TBL1X: variants seen among roughly 807,000 people sequenced by gnomAD.
TBL1X encodes the protein transducin beta like 1 X-linked.
In TBL1X, 10 loss-of-function variants were observed where a neutral mutation model predicts 50.7. The ratio of observed to expected loss-of-function variants is 0.20; its 90% CI spans 0.12 to 0.33. The LOEUF (loss-of-function observed/expected upper bound fraction) is 0.33, where lower values mean the gene tolerates loss of function less well. TBL1X is among the 10% of genes least tolerant of loss of function. The pLI, the probability that TBL1X is intolerant of heterozygous loss-of-function variation, is 1.00. For missense variants in TBL1X, 340 were observed against 504.4 expected (o/e 0.67, Z 3.12); for synonymous variants, 190 against 214.7 (o/e 0.88, Z 1.01).
chrX:9,588,017 G>A (rs191923258), intron 2 of TBL1X, among the ~76,000 whole-genome samples: 324 of 111,679 alleles, frequency 2.9e-3, no homozygotes, highest in African/African-American at 0.01. Flanking sequence ...GTACACAGCC[G>A]GCTGTTCATA....
intron 8 of TBL1X, 108 bp downstream of exon 8, chrX:9,691,819 C>G: frequency 9.5e-7 from 1 of 1,055,522 alleles, no homozygotes; most frequent in South Asian, 2.2e-5. Context: ...CCCCTTCTTA[C>G]CCCGGTGTGT....
At chrX:9,526,059 C>G (rs748971192) in intron 2 of TBL1X, among the ~76,000 whole-genome samples, 45 of 102,047 alleles carry the variant, frequency 4.4e-4, no homozygotes, top group Non-Finnish European at 7.0e-4. Context: ...ACCTATAGTT[C>G]AAGATGAAGG....
intron 2 of TBL1X, among the ~76,000 whole-genome samples, chrX:9,542,616 G>A (rs773499890): frequency 1.8e-5 from 2 of 110,759 alleles, no homozygotes; most frequent in Admixed American, 1.9e-4. Context: ...AGCGGGCAGC[G>A]TTGCCTTCGC....
intron 2 of TBL1X, among the ~76,000 whole-genome samples, chrX:9,587,637 C>T (rs1338362873): frequency 9.0e-6 from 1 of 111,136 alleles, no homozygotes; most frequent in African/African-American, 3.3e-5. Context: ...ATTTTAATAG[C>T]TTTATTGAGA....
At chrX:9,648,353 C>G (rs1363178253) in intron 3 of TBL1X, among the ~76,000 whole-genome samples, 1 of 112,502 alleles carries the variant, frequency 8.9e-6, no homozygotes, top group Non-Finnish European at 1.9e-5. Context: ...GTTCTTGGCA[C>G]AGAAGACAAA....
At chrX:9,524,159 G>C (rs1212229610) in intron 2 of TBL1X, among the ~76,000 whole-genome samples, 3 of 109,924 alleles carry the variant, frequency 2.7e-5, no homozygotes, top group East Asian at 2.9e-4. Context: ...GTAGAGACAG[G>C]GTTTCACCAT....
chrX:9,466,490 T>A (rs1050686138), intron 1 of TBL1X, among the ~76,000 whole-genome samples: 13 of 112,868 alleles, frequency 1.2e-4, no homozygotes, highest in Non-Finnish European at 2.1e-4. Context: ...GAGTCAGTGA[T>A]GTTCTGGAGC....
At chrX:9,479,714 C>T in intron 1 of TBL1X, among the ~76,000 whole-genome samples, 1 of 111,837 alleles carries the variant, frequency 8.9e-6, no homozygotes, top group East Asian at 2.8e-4. Flanking sequence ...GTCTGTCTTA[C>T]AGCCATTAGA....
chrX:9,515,749 A>G (rs1436106873), intron 2 of TBL1X, among the ~76,000 whole-genome samples: 1 of 112,104 alleles, frequency 8.9e-6, no homozygotes, highest in Admixed American at 9.5e-5. Context: ...CGTCGATGCC[A>G]AGGAGCCTGT....
chrX:9,511,879 T>C (rs1183172747), intron 2 of TBL1X, among the ~76,000 whole-genome samples: 2 of 112,142 alleles, frequency 1.8e-5, no homozygotes, highest in African/African-American at 6.5e-5. Flanking sequence ...TTTTTCTTTT[T>C]TGAGAGGGTC....
At position 9,675,891 on chromosome X, in the gene TBL1X, C is replaced by CAAA. The variant is rs1175476577; in HGVS notation, c.212-8137_212-8135dup. 4.6e-4 allele frequency among the ~76,000 whole-genome samples: 27 copies of CAAA among 58,267 alleles called. 1 individual carries two copies. The highest frequency in any genetic ancestry group is 1.7e-3 in the African/African-American group (27 of 15,907). The allele number at this position is 58,267 out of a possible 115,157, so 50.6% of individuals were successfully genotyped here. Reference sequence around the variant, plus strand: ...GGGTGACAAGAATGCAACTCTGTCTCAAAAAAAAAAAAAAAAAGAAGAAAG... The same window carrying CAAA: ...GGGTGACAAGAATGCAACTCTGTCTCAAAAAAAAAAAAAAAAAAAAGAAGAAAG... On this transcript the variant is annotated intron_variant, in intron 5 of 17. Coordinates refer to ENST00000645353, the MANE Select transcript of TBL1X (RefSeq NM_005647.4).
chrX:9,549,506 G>T (rs191725415), intron 2 of TBL1X, among the ~76,000 whole-genome samples: 1 of 112,063 alleles, frequency 8.9e-6, no homozygotes, highest in Admixed American at 9.4e-5. Flanking sequence ...TAATATACTT[G>T]ATTTTGCCTT....
chrX:9,600,469 CGGGGG>C (rs1236527927), intron 2 of TBL1X, among the ~76,000 whole-genome samples: 1 of 11,319 alleles, frequency 8.8e-5, no homozygotes, highest in African/African-American at 3.6e-4. Context: ...ATTTGGTGGG[CGGGGG>C]GGGGGGTACA....
At chrX:9,710,144 G>GA (rs2083236142) in intron 15 of TBL1X, among the ~76,000 whole-genome samples, 1 of 88,261 alleles carries the variant, frequency 1.1e-5, no homozygotes, top group Non-Finnish European at 2.2e-5. Context: ...TTGAGCCCAG[G>GA]AGATTGAGGC....
chrX:9,562,399 A>G (rs746367523), intron 2 of TBL1X, among the ~76,000 whole-genome samples: 33 of 112,510 alleles, frequency 2.9e-4, no homozygotes, highest in Admixed American at 2.7e-3. Flanking sequence ...ATAGCTTGTT[A>G]AAATTTCCTG....
chrX:9,598,769 A>T lies in TBL1X; in HGVS notation c.-130-41504A>T, dbSNP rs374248411. On this transcript the variant is annotated intron_variant, in intron 2 of 17. Coordinates refer to ENST00000645353, the MANE Select transcript of TBL1X (RefSeq NM_005647.4). Reference sequence around the variant, plus strand: ...CTTCCTCCTGAGGGCTTGAGGCAGGATCTGTCCTGTGCCCATCTTCCAGCT... The same window carrying T: ...CTTCCTCCTGAGGGCTTGAGGCAGGTTCTGTCCTGTGCCCATCTTCCAGCT... Among the ~76,000 whole-genome samples the T allele has an allele frequency of 3.7e-4, 41 of 111,140 alleles. 1 individual carries two copies. The highest frequency in any genetic ancestry group is 2.5e-3 in the East Asian group (9 of 3,534).
At chrX:9,603,281 A>G (rs753143197) in intron 2 of TBL1X, among the ~76,000 whole-genome samples, 20 of 112,221 alleles carry the variant, frequency 1.8e-4, no homozygotes, top group Non-Finnish European at 3.0e-4. Context: ...GATCTCTTTT[A>G]TTGATCTGAA....
intron 2 of TBL1X, among the ~76,000 whole-genome samples, chrX:9,633,970 C>T (rs1456914353): frequency 9.0e-6 from 1 of 111,222 alleles, no homozygotes; most frequent in Non-Finnish European, 1.9e-5. Context: ...TACGTACGTG[C>T]AGCCCAGAGC....
At chrX:9,683,114 C>T (rs1406662066) in intron 5 of TBL1X, among the ~76,000 whole-genome samples, 3 of 112,229 alleles carry the variant, frequency 2.7e-5, no homozygotes, top group African/African-American at 9.7e-5. Context: ...CTGCAGCAGC[C>T]TAGGCTTGCT....
Sources: allele counts gnomAD v4.1 joint callset (sites outside exome capture counted in the v4.1 genomes callset), GRCh38; gene constraint gnomAD v4.1.1; transcripts MANE v1.5; gene names NCBI Gene and HGNC (gene_info 2026-07-23, HGNC 2026-07-21).